RPL5: variants seen among roughly 807,000 people sequenced by gnomAD.
RPL5 encodes the protein large ribosomal subunit protein uL18.
In RPL5, 1 loss-of-function variant was observed where a neutral mutation model predicts 38.4. The observed-to-expected ratio is 0.03, with a 90% CI of 0.01 to 0.12. The LOEUF (loss-of-function observed/expected upper bound fraction) is 0.12, where lower values mean the gene tolerates loss of function less well. RPL5 is among the 10% of genes least tolerant of loss of function. RPL5 has a pLI of 1.00. For missense variants in RPL5, 243 were observed against 374.1 expected (o/e 0.65, Z 2.89); for synonymous variants, 109 against 121.2 (o/e 0.90, Z 0.66).
At chr1:92,839,175 A>G (rs1210731884) in intron 6 of RPL5, among the ~76,000 whole-genome samples, 1 of 151,668 alleles carries the variant, frequency 6.6e-6, no homozygotes, top group Non-Finnish European at 1.5e-5. Context: ...CCTGGCCAAT[A>G]TGGTGAAACC....
chr1:92,832,103 C>G lies in RPL5; in HGVS notation c.-12C>G. 6.2e-7 allele frequency: 1 copy of G among 1,614,160 alleles called. No homozygotes were observed. The highest frequency in any genetic ancestry group is 8.5e-7 in the Non-Finnish European group (1 of 1,180,008). On this transcript the variant is annotated 5_prime_UTR_variant, in exon 1 of 8. Coordinates refer to ENST00000370321, the MANE Select transcript of RPL5 (RefSeq NM_000969.5). ...TCTGTCGAGCAGCGGACGCCGGTCTCTGTTCCGCAGGATGGTGAGTGGATG... is the reference window on the plus strand; with the variant it reads ...TCTGTCGAGCAGCGGACGCCGGTCTGTGTTCCGCAGGATGGTGAGTGGATG...
At chr1:92,835,237 T>G in intron 4 of RPL5, 1 of 416,504 alleles carries the variant, frequency 2.4e-6, no homozygotes, top group Admixed American at 3.6e-5. Context: ...CCCTTGCTAC[T>G]TAGGTATACA....
At position 92,832,041 on chromosome 1, in the gene RPL5, C is replaced by T. The variant is rs752282235; in HGVS notation, c.-74C>T. ...CTGCGCCTGCGCAAGGGCTGTGGCC[C>T]TTTTCCCACCCCCTAGCGCCGCTGG... On this transcript the variant is annotated 5_prime_UTR_variant, in exon 1 of 8. Coordinates refer to ENST00000370321, the MANE Select transcript of RPL5 (RefSeq NM_000969.5). 6.8e-5 allele frequency: 109 copies of T among 1,606,168 alleles called. No individual in the cohort carries two copies. The highest frequency in any genetic ancestry group is 4.8e-4 in the African/African-American group (36 of 74,916).
At chr1:92,838,732 G>C (rs1261039603) in intron 6 of RPL5, among the ~76,000 whole-genome samples, 1 of 152,164 alleles carries the variant, frequency 6.6e-6, no homozygotes, top group African/African-American at 2.4e-5. Flanking sequence ...GAAGGAACTG[G>C]GTTGCTTAGA....
intron 7 of RPL5, chr1:92,840,902 G>C: frequency 3.5e-6 from 2 of 577,312 alleles, no homozygotes; most frequent in Non-Finnish European, 6.6e-6. Context: ...GCTTTTTGTT[G>C]ATCTTTCATG....
rs2100676802 is a variant in RPL5, at chr1:92,833,526, AATT to A, written c.74-15_74-13del. On this transcript the variant is annotated splice_polypyrimidine_tract_variant and intron_variant, in intron 2 of 7. Coordinates refer to ENST00000370321, the MANE Select transcript of RPL5 (RefSeq NM_000969.5). Reference sequence around the variant, plus strand: ...AGATGCAGTGGAGTATCCTTTCTACAATTATTTTTTTCTTTCAGAGGGTAAAAC... The same window carrying A: ...AGATGCAGTGGAGTATCCTTTCTACAATTTTTTTCTTTCAGAGGGTAAAAC... 1 of 1,612,578 alleles carries A rather than the reference AATT, an allele frequency of 6.2e-7. No homozygotes were observed. The highest frequency in any genetic ancestry group is 8.5e-7 in the Non-Finnish European group (1 of 1,178,686).
rs1687180368 is a variant in RPL5, at chr1:92,837,633, G to C, written c.705G>C (p.Met235Ile). ...TAAAGAACAGCGTAACTCCAGACAT[G>C]GTAAAACATTTACCTAAAAATGCCT... is the stretch of plus-strand genomic sequence containing the variant. ...QYIKNSVTPD[M>I]MEEMYKKAHA... The change falls in exon 6 of 8, where the codon ATG (methionine) becomes ATC (isoleucine). Residue 235 changes from methionine (M) to isoleucine (I), a missense_variant and splice_region_variant. Met to Ile is a conservative substitution (Grantham distance 10, BLOSUM62 1). Transcript: ENST00000370321. The C allele has an allele frequency of 1.9e-6, 3 of 1,611,124 alleles. No homozygotes were observed. The highest frequency in any genetic ancestry group is 2.5e-6 in the Non-Finnish European group (3 of 1,179,040).
At chr1:92,832,419 C>G (rs1047637455) in intron 1 of RPL5, among the ~76,000 whole-genome samples, 1 of 152,202 alleles carries the variant, frequency 6.6e-6, no homozygotes, top group South Asian at 2.1e-4. Flanking sequence ...GGGGCGCTGG[C>G]AAGCGGCCGG....
chr1:92,833,127 G>C (rs944013709), intron 1 of RPL5: 2 of 674,504 alleles, frequency 3.0e-6, no homozygotes, highest in African/African-American at 3.6e-5. Flanking sequence ...AATAAATTGG[G>C]GCCTGCATTT....
Position 92,836,203 on chromosome 1 carries a change from T to C in RPL5, c.338T>C (p.Phe113Ser), listed in dbSNP as rs756437351. Residue 113 changes from phenylalanine to serine, a missense_variant, in exon 5 of 8, where the codon TTT becomes TCT. By Grantham distance (155) the Phe-to-Ser change is radical. Transcript: ENST00000370321. ...TTTCTTGAATAGCTTCTCAATAGGT[T>C]TGGCATGGACAAGATCTATGAAGGC... ...LLLARRLLNR[F>S]GMDKIYEGQV... 2 of 1,612,358 alleles carry C rather than the reference T, an allele frequency of 1.2e-6. No homozygotes were observed. Among genetic ancestry groups the C allele is most frequent in the East Asian group, 4.5e-5 (2 of 44,900 alleles).
At chr1:92,841,744 TA>T in intron 7 of RPL5, 21 bp from the exon 8 acceptor site, 2 of 1,515,222 alleles carry the variant, frequency 1.3e-6, no homozygotes, top group South Asian at 2.3e-5. Flanking sequence ...GTTTAAAAAA[TA>T]TATATTCCTA....
intron 6 of RPL5, among the ~76,000 whole-genome samples, chr1:92,838,693 A>G (rs1212344921): frequency 1.3e-5 from 2 of 152,216 alleles, no homozygotes; most frequent in African/African-American, 4.8e-5. Flanking sequence ...TTCAGGCATT[A>G]TCTACATGTC....
intron 6 of RPL5, among the ~76,000 whole-genome samples, chr1:92,839,408 G>T (rs1182220485): frequency 6.6e-6 from 1 of 152,118 alleles, no homozygotes. Flanking sequence ...GGCTTTTCAG[G>T]AAAACTTCTG....
At chr1:92,835,075 TC>T in intron 4 of RPL5, 162 bp downstream of exon 4, 1 of 1,016,484 alleles carries the variant, frequency 9.8e-7, no homozygotes. Flanking sequence ...GTCAGCTCTT[TC>T]CAATAAAATT....
intron 3 of RPL5, 103 bp downstream of exon 3, chr1:92,833,763 C>A: frequency 1.2e-6 from 1 of 857,156 alleles, no homozygotes; most frequent in Non-Finnish European, 1.9e-6. Context: ...CTAGCACCTC[C>A]AAAAGCATCC....
rs10874744 is a variant in RPL5, at chr1:92,840,760, G to A, written c.794+121G>A. ...TAGCTCTGCGTGATGTGGCAGAAGC[G>A]AAGGGAACCAGGTTTGCAAAAGTAA... On this transcript the variant is annotated intron_variant, in intron 7 of 7. Transcript: ENST00000370321. 0.66 allele frequency: 522,177 copies of A among 795,566 alleles called. 176,190 individuals carry two copies. The highest frequency in any genetic ancestry group is 0.96 in the East Asian group (38,698 of 40,446). The allele number at this position is 795,566 out of a possible 1,614,324, so 49.3% of individuals were successfully genotyped here.
At chr1:92,836,453 T>C (rs1687131785) in intron 5 of RPL5, 61 bp downstream of exon 5, 5 of 1,476,418 alleles carry the variant, frequency 3.4e-6, no homozygotes, top group Admixed American at 1.7e-5. Context: ...TTTTAACTAG[T>C]TGGACTGTGG....
intron 7 of RPL5, 119 bp downstream of exon 7, chr1:92,840,758 G>C (rs558931908): frequency 2.6e-5 from 21 of 817,102 alleles, no homozygotes; most frequent in Middle Eastern, 2.2e-4. Context: ...TGTGGCAGAA[G>C]CGAAGGGAAC....
chr1:92,833,814 C>T, intron 3 of RPL5, 154 bp downstream of exon 3: 1 of 646,474 alleles, frequency 1.5e-6, no homozygotes, highest in Non-Finnish European at 2.7e-6. Flanking sequence ...GAATTGGAAC[C>T]TGGGAACTTG....
Sources: allele counts gnomAD v4.1 joint callset (sites outside exome capture counted in the v4.1 genomes callset), GRCh38; gene constraint gnomAD v4.1.1; transcripts MANE v1.5; gene names NCBI Gene and HGNC (gene_info 2026-07-23, HGNC 2026-07-21).